Variants in SLC35B3 observed in about 807,000 individuals in gnomAD.
SLC35B3 encodes the protein solute carrier family 35 member B3.
A neutral mutation model predicts 44.1 loss-of-function variants in SLC35B3; 35 were observed. That is an observed-to-expected ratio of 0.79 (90% CI 0.61 to 1.05). The LOEUF (loss-of-function observed/expected upper bound fraction) is 1.05, where lower values mean the gene tolerates loss of function less well. SLC35B3 is among the 50% of genes least tolerant of loss of function. The pLI is 0.00. For missense variants in SLC35B3, 414 were observed against 476.4 expected (o/e 0.87, Z 1.22); for synonymous variants, 146 against 167.3 (o/e 0.87, Z 0.98).
At chr6:8,423,247 A>G (rs1423980079) in intron 4 of SLC35B3, among the ~76,000 whole-genome samples, 1 of 152,214 alleles carries the variant, frequency 6.6e-6, no homozygotes, top group Non-Finnish European at 1.5e-5. Flanking sequence ...GTTTCCATCT[A>G]GCATTAGGAA....
In SLC35B3 at chr6:8,411,457, TA is replaced by T. The variant is rs1762064984; in HGVS notation, c.*2091del. ...AAATAAGGCTTTGATAAGTCAAATTTATATTTTATCAAAGATTTGAGAAAGT... is the reference window on the plus strand; with the variant it reads ...AAATAAGGCTTTGATAAGTCAAATTTTATTTTATCAAAGATTTGAGAAAGT... On this transcript the variant is annotated 3_prime_UTR_variant, in exon 11 of 11. Transcript: ENST00000644923. Among the ~76,000 whole-genome samples, 1 of 152,226 alleles carries T rather than the reference TA, an allele frequency of 6.6e-6. No individual in the cohort carries two copies. The highest frequency in any genetic ancestry group is 1.5e-5 in the Non-Finnish European group (1 of 68,036).
intron 5 of SLC35B3, among the ~76,000 whole-genome samples, chr6:8,421,213 C>CGG (rs112949454): frequency 6.6e-6 from 1 of 152,000 alleles, no homozygotes; most frequent in African/African-American, 2.4e-5. Context: ...ACGAAGTAAC[C>CGG]AGATTAATGA....
At position 8,417,498 on chromosome 6, in the gene SLC35B3, G is replaced by T. The variant is rs917962360; in HGVS notation, c.781-4C>A. ...CAATTGAATACGAATACAATACCTA[G>T]AGCAGATAAAAATAAAGCAGAAAAA... On this transcript the variant is annotated splice_region_variant and splice_polypyrimidine_tract_variant and intron_variant, in intron 7 of 10. Transcript: ENST00000644923. 2 of 1,542,212 alleles carry T rather than the reference G, an allele frequency of 1.3e-6. No individual in the cohort carries two copies. The highest frequency in any genetic ancestry group is 2.1e-5 in the Admixed American group (1 of 48,102).
chr6:8,415,071 G>T, intron 9 of SLC35B3, 94 bp from the exon 9 acceptor site: 1 of 740,254 alleles, frequency 1.4e-6, no homozygotes. Flanking sequence ...CTGACTATAT[G>T]CCAGAATCTG....
chr6:8,430,270 A>T, intron 2 of SLC35B3, 113 bp from the exon 2 acceptor site: 1 of 968,184 alleles, frequency 1.0e-6, no homozygotes, highest in Non-Finnish European at 1.5e-6. Context: ...TCTGGATATT[A>T]GTATATTAAT....
rs898399626 is a variant in SLC35B3 at position 8,434,629 on chromosome 6, T to G, written c.-43-199A>C. The stretch of plus-strand genomic sequence containing the variant: ...TAACGCTGTCTAAATTATTTTGAAA[T>G]GCTGCCTCTCTTCCAAGTTCCAAAC... On this transcript the variant is annotated intron_variant, in intron 1 of 10. Transcript: ENST00000644923. This position sits in a 1 kb window ranked among gnomAD's most constrained non-coding sequence, Gnocchi z 6.3. Among the ~76,000 whole-genome samples, 17 of 152,160 alleles carry G rather than the reference T, an allele frequency of 1.1e-4. No homozygotes were observed. The highest frequency in any genetic ancestry group is 4.1e-4 in the African/African-American group (17 of 41,438).
At position 8,433,327 on chromosome 6, in the gene SLC35B3, T is replaced by C. The variant is rs1003717460; in HGVS notation, c.3+1058A>G. Among the ~76,000 whole-genome samples, 1 of 152,182 alleles carries C rather than the reference T, an allele frequency of 6.6e-6. No individual in the cohort carries two copies. Among genetic ancestry groups the C allele is most frequent in the African/African-American group, 2.4e-5 (1 of 41,438 alleles). On this transcript the variant is annotated intron_variant, in intron 2 of 10. Coordinates refer to ENST00000644923, the MANE Select transcript of SLC35B3 (RefSeq NM_001370476.2). This position sits in a 1 kb window ranked among gnomAD's most constrained non-coding sequence, Gnocchi z 4.1. ...GTCCTGGACTCAATCATATTATACA[T>C]ATTTTTCAAATTCCTAAATGATAAT...
At chr6:8,415,692 G>C (rs890696724) in intron 9 of SLC35B3, among the ~76,000 whole-genome samples, 3 of 152,168 alleles carry the variant, frequency 2.0e-5, no homozygotes, top group Non-Finnish European at 4.4e-5. Context: ...GAATTCCAAA[G>C]GAAGAAGCTG....
chr6:8,430,658 T>C (rs1299367292), intron 2 of SLC35B3, among the ~76,000 whole-genome samples: 3 of 151,718 alleles, frequency 2.0e-5, no homozygotes, highest in Non-Finnish European at 4.4e-5. Flanking sequence ...AGCAGAGAGG[T>C]TGCTTGAGAC....
At position 8,434,446 on chromosome 6, in the gene SLC35B3, A is replaced by T; in HGVS notation, c.-43-16T>A. The T allele has an allele frequency of 2.5e-6, 4 of 1,604,924 alleles. No individual in the cohort carries two copies. The highest frequency in any genetic ancestry group is 3.4e-6 in the Non-Finnish European group (4 of 1,175,172). On this transcript the variant is annotated splice_polypyrimidine_tract_variant and intron_variant, in intron 1 of 10. Transcript: ENST00000644923. The surrounding 1 kb of genome is among the most constrained non-coding windows in gnomAD (Gnocchi z 6.3). Reference sequence around the variant, plus strand: ...CAATCATGGCCTATGGTGTACGATTATAAAACAGAAAAAACAAAGTTCCAT... The same window carrying T: ...CAATCATGGCCTATGGTGTACGATTTTAAAACAGAAAAAACAAAGTTCCAT...
rs1762778403 is a variant in SLC35B3 at position 8,420,289 on chromosome 6, G to A, written c.682+432C>T. On this transcript the variant is annotated intron_variant, in intron 6 of 10. Coordinates refer to ENST00000644923, the MANE Select transcript of SLC35B3 (RefSeq NM_001370476.2). The surrounding 1 kb of genome is among the most constrained non-coding windows in gnomAD (Gnocchi z 4.4). ...GTACAGAATCCTTTCATATGTTTATGAGCTTCCCTCCAATATTCACAGTGG... is the reference window on the plus strand; with the variant it reads ...GTACAGAATCCTTTCATATGTTTATAAGCTTCCCTCCAATATTCACAGTGG... 6.6e-6 allele frequency among the ~76,000 whole-genome samples: 1 copy of A among 152,052 alleles called. No homozygotes were observed. The highest frequency in any genetic ancestry group is 6.5e-5 in the Admixed American group (1 of 15,270).
At position 8,420,133 on chromosome 6, in the gene SLC35B3, G is replaced by T. The variant is rs930208899; in HGVS notation, c.683-456C>A. ...TAATTTAAATCACATAAACAGGCAC[G>T]CTGCTGTCAGGGCCTTTTTCTTTGA... On this transcript the variant is annotated intron_variant, in intron 6 of 10. Transcript: ENST00000644923. This position sits in a 1 kb window ranked among gnomAD's most constrained non-coding sequence, Gnocchi z 4.4. Among the ~76,000 whole-genome samples the T allele has an allele frequency of 1.1e-4, 17 of 151,768 alleles. No individual in the cohort carries two copies. The highest frequency in any genetic ancestry group is 7.2e-4 in the Admixed American group (11 of 15,220).
chr6:8,423,843 T>C (rs939363696), intron 4 of SLC35B3, among the ~76,000 whole-genome samples: 3 of 152,166 alleles, frequency 2.0e-5, no homozygotes, highest in African/African-American at 7.2e-5. Flanking sequence ...GGCATGCCCA[T>C]ATGCATCAGT....
In SLC35B3 at chr6:8,412,879, TCTCAC is replaced by T. The variant is rs1475101987; in HGVS notation, c.*665_*669del. Among the ~76,000 whole-genome samples, 2 of 152,146 alleles carry T rather than the reference TCTCAC, an allele frequency of 1.3e-5. No individual in the cohort carries two copies. Among genetic ancestry groups the T allele is most frequent in the African/African-American group, 4.8e-5 (2 of 41,438 alleles). On this transcript the variant is annotated 3_prime_UTR_variant, in exon 11 of 11. Transcript: ENST00000644923. ...AGATGGTAATGCTCACTTGTCAGCCTCTCACCTCTTGTTGCGTGGTCTGGTTCCTA... is the reference window on the plus strand; with the variant it reads ...AGATGGTAATGCTCACTTGTCAGCCTCTCTTGTTGCGTGGTCTGGTTCCTA...
At position 8,419,611 on chromosome 6, in the gene SLC35B3, A is replaced by G; in HGVS notation, c.749T>C (p.Met250Thr). Reference sequence around the variant, plus strand: ...AGAATTAGAAGCATTATGAAGTTTCATAGCTTTCTCTTGAACATTTCCAAT... The same window carrying G: ...AGAATTAGAAGCATTATGAAGTTTCGTAGCTTTCTCTTGAACATTTCCAAT... The change falls in exon 7 of 11, where the codon ATG becomes ACG. Residue 250 changes from methionine to threonine, a missense_variant. By Grantham distance (81) the Met-to-Thr change is moderately conservative. Coordinates refer to ENST00000644923, the MANE Select transcript of SLC35B3 (RefSeq NM_001370476.2). This position sits in a 1 kb window ranked among gnomAD's most constrained non-coding sequence, Gnocchi z 4.3. 1.3e-6 allele frequency: 2 copies of G among 1,566,786 alleles called. No individual in the cohort carries two copies. The highest frequency in any genetic ancestry group is 1.7e-6 in the Non-Finnish European group (2 of 1,149,776).
Position 8,432,018 on chromosome 6 carries a change from T to A in SLC35B3, c.4-1861A>T, listed in dbSNP as rs1764037379. Among the ~76,000 whole-genome samples the A allele has an allele frequency of 6.6e-6, 1 of 152,098 alleles. No individual in the cohort carries two copies. The highest frequency in any genetic ancestry group is 1.5e-5 in the Non-Finnish European group (1 of 68,018). On this transcript the variant is annotated intron_variant, in intron 2 of 10. Coordinates refer to ENST00000644923, the MANE Select transcript of SLC35B3 (RefSeq NM_001370476.2). The surrounding 1 kb of genome is among the most constrained non-coding windows in gnomAD (Gnocchi z 4.8). The stretch of plus-strand genomic sequence containing the variant: ...CAGGTTTGGAAGTTCAGCTTTAATA[T>A]CCCCTCCTTTGTGACACCATCACTA...
intron 9 of SLC35B3, among the ~76,000 whole-genome samples, 173 bp downstream of exon 8, chr6:8,416,711 A>G (rs1182382566): frequency 6.6e-6 from 1 of 152,212 alleles, no homozygotes; most frequent in Non-Finnish European, 1.5e-5. Flanking sequence ...ATTAAGATCA[A>G]ACAACATTTT....
In SLC35B3 at chr6:8,413,537, G is replaced by T; in HGVS notation, c.*12C>A. 6.3e-7 allele frequency: 1 copy of T among 1,588,378 alleles called. No individual in the cohort carries two copies. The highest frequency in any genetic ancestry group is 1.2e-5 in the South Asian group (1 of 86,610). On this transcript the variant is annotated 3_prime_UTR_variant, in exon 11 of 11. Coordinates refer to ENST00000644923, the MANE Select transcript of SLC35B3 (RefSeq NM_001370476.2). ...TCCCTTAAAATTCTATTTTAAATAGGACAATCACTGTCTATACAGTCTGTG... is the reference window on the plus strand; with the variant it reads ...TCCCTTAAAATTCTATTTTAAATAGTACAATCACTGTCTATACAGTCTGTG...
In SLC35B3 at chr6:8,419,374, G is replaced by A. The variant is rs143231102; in HGVS notation, c.780+206C>T. Among the ~76,000 whole-genome samples the A allele has an allele frequency of 6.6e-6, 1 of 152,080 alleles. No homozygotes were observed. Among genetic ancestry groups the A allele is most frequent in the East Asian group, 1.9e-4 (1 of 5,176 alleles). ...AATACATAAAAAACTAAATCAATGA[G>A]GAAAAAATTTGTCAACTATGCAACA... On this transcript the variant is annotated intron_variant, in intron 7 of 10. Coordinates refer to ENST00000644923, the MANE Select transcript of SLC35B3 (RefSeq NM_001370476.2). The surrounding 1 kb of genome is among the most constrained non-coding windows in gnomAD (Gnocchi z 4.3).
Sources: gnomAD v4.1 joint callset for allele counts (sites outside exome capture counted in the v4.1 genomes callset) on GRCh38, gnomAD v4.1.1 for gene constraint, Gnocchi (gnomAD v3.1) non-coding constraint, MANE v1.5 for transcripts, NCBI Gene and HGNC (gene_info 2026-07-23, HGNC 2026-07-21) for gene names.